Variants in ENPP3 observed in about 807,000 individuals in gnomAD.
ENPP3 encodes the protein ectonucleotide pyrophosphatase/phosphodiesterase 3, also known as ectonucleotide pyrophosphatase/phosphodiesterase family member 3.
A neutral mutation model predicts 117.8 loss-of-function variants in ENPP3; 104 were observed. The ratio of observed to expected loss-of-function variants is 0.88; its 90% CI spans 0.75 to 1.04. The LOEUF (loss-of-function observed/expected upper bound fraction) is 1.04, where lower values mean the gene tolerates loss of function less well. Among genes scored for constraint, ENPP3 ranks in the 50% least tolerant of loss-of-function variants. The pLI is 0.00. For synonymous variants in ENPP3, 380 were observed against 349.9 expected (o/e 1.09, Z -0.96); for missense variants, 1,026 against 1,051.9 (o/e 0.98, Z 0.34).
rs1227665821 is a variant in ENPP3 at position 131,701,278 on chromosome 6, C to T, written c.1412+7654C>T. On this transcript the variant is annotated intron_variant, in intron 15 of 24. Coordinates refer to ENST00000357639, the MANE Select transcript of ENPP3 (RefSeq NM_005021.5). The stretch of plus-strand genomic sequence containing the variant: ...AGTGAGATGAGCCCCAGTATGGTCC[C>T]GTTCCCCAGCAGGGTGAAGACGTAG... The T allele has an allele frequency of 8.6e-6, 13 of 1,510,112 alleles. No homozygotes were observed. The Admixed American group carries it at 1.4e-4, about 16-fold the overall frequency. 93.5% of individuals were successfully genotyped at this position (1,510,112 alleles called of 1,614,324 possible).
At position 131,685,933 on chromosome 6, in the gene ENPP3, T is replaced by C. The variant is rs776793776; in HGVS notation, c.1284+26T>C. On this transcript the variant is annotated intron_variant, in intron 14 of 24. Coordinates refer to ENST00000357639, the MANE Select transcript of ENPP3 (RefSeq NM_005021.5). ...GTAAGTATACAATACTCTTAATACA[T>C]ATATTTAAGTTAATGCAATGACCTT... 7.0e-5 allele frequency: 51 copies of C among 725,884 alleles called. 1 individual carries two copies. In the East Asian group the frequency reaches 1.4e-3, roughly 20 times the overall value. 45.0% of individuals were successfully genotyped at this position (725,884 alleles called of 1,614,324 possible). A position where few individuals can be genotyped will look rare whatever the true frequency, so the allele number is the denominator to read the frequency against.
At chr6:131,719,175 G>T (rs1003769330) in intron 16 of ENPP3, among the ~76,000 whole-genome samples, 6 of 152,006 alleles carry the variant, frequency 3.9e-5, no homozygotes, top group Admixed American at 3.9e-4. Context: ...AAGAGTAAGA[G>T]TCATTGAGTT....
chr6:131,710,069 T>C (rs759184864), intron 15 of ENPP3: 3 of 1,613,474 alleles, frequency 1.9e-6, no homozygotes, highest in South Asian at 2.2e-5. Context: ...TGAATCAGTT[T>C]CTTCAAAGCT....
chr6:131,701,751 G>A (rs1214270391), intron 15 of ENPP3, among the ~76,000 whole-genome samples: 2 of 150,544 alleles, frequency 1.3e-5, no homozygotes, highest in African/African-American at 2.5e-5. Context: ...GCGTGGCGGC[G>A]TGTACCTGTA....
chr6:131,648,515 G>T (rs950092018), intron 2 of ENPP3, among the ~76,000 whole-genome samples: 6 of 151,906 alleles, frequency 3.9e-5, no homozygotes, highest in Non-Finnish European at 7.4e-5. Flanking sequence ...ATTATATAAA[G>T]TCTCTACAAT....
At chr6:131,667,063 T>C (rs530348041) in intron 6 of ENPP3, among the ~76,000 whole-genome samples, 4 of 152,328 alleles carry the variant, frequency 2.6e-5, no homozygotes, top group Non-Finnish European at 4.4e-5. Flanking sequence ...TCATTAGATG[T>C]CTTGTCCAAT....
chr6:131,641,229 A>G (rs1324578357), intron 1 of ENPP3, among the ~76,000 whole-genome samples: 1 of 152,176 alleles, frequency 6.6e-6, no homozygotes. Context: ...AAGATCTGTA[A>G]TAAATGGTAT....
At chr6:131,740,504 A>G in intron 24 of ENPP3, 124 bp downstream of exon 24, 1 of 613,194 alleles carries the variant, frequency 1.6e-6, no homozygotes, top group Non-Finnish European at 2.6e-6. Context: ...TTATAACACA[A>G]ATGACTTCAT....
In ENPP3 at chr6:131,733,662, C is replaced by A. The variant is rs371560149; in HGVS notation, c.2028C>A (p.Ser676Arg). Residue 676 changes from serine to arginine, a missense_variant, in exon 21 of 25, where the codon AGC (serine) becomes AGA (arginine). Ser to Arg is a moderately radical substitution (Grantham distance 110). Coordinates refer to ENST00000357639, the MANE Select transcript of ENPP3 (RefSeq NM_005021.5). ...RADVRVPPSE[S>R]QKCSFYLADK... ...ATGTCAGGGTTCCTCCTTCTGAGAG[C>A]CAAAAATGTTCCTTCTATTTAGCAG... is the stretch of plus-strand genomic sequence containing the variant. 3 of 1,613,978 alleles carry A rather than the reference C, an allele frequency of 1.9e-6. No individual in the cohort carries two copies. The African/African-American group carries it at 4.0e-5, about 22-fold the overall frequency.
At chr6:131,687,974 C>T (rs1217128516) in intron 14 of ENPP3, among the ~76,000 whole-genome samples, 1 of 152,106 alleles carries the variant, frequency 6.6e-6, no homozygotes, top group African/African-American at 2.4e-5. Context: ...ATTTTTTTAC[C>T]AATTGAAGGT....
chr6:131,697,535 C>T (rs1270611990), intron 15 of ENPP3, among the ~76,000 whole-genome samples: 1 of 151,740 alleles, frequency 6.6e-6, no homozygotes, highest in African/African-American at 2.4e-5. Context: ...AATTATACAA[C>T]TCGTTATACT....
intron 11 of ENPP3, 115 bp downstream of exon 11, chr6:131,678,055 C>T (rs1778910161): frequency 8.5e-6 from 5 of 588,154 alleles, no homozygotes; most frequent in South Asian, 7.1e-5. Context: ...TTGATACATA[C>T]ACAAGAAGAT....
Position 131,657,383 on chromosome 6 carries a change from C to A in ENPP3, c.465-940C>A, listed in dbSNP as rs1235277577. Among the ~76,000 whole-genome samples, 4 of 152,174 alleles carry A rather than the reference C, an allele frequency of 2.6e-5. No homozygotes were observed. In the East Asian group the frequency reaches 7.7e-4, roughly 29 times the overall value. On this transcript the variant is annotated intron_variant, in intron 5 of 24. Transcript: ENST00000357639. ...CACTGTTCTGATTTCTATCATCATA[C>A]ATTCCTGTTTTAGAATTTTATGTAA...
At chr6:131,732,384 T>C (rs1444845252) in intron 20 of ENPP3, among the ~76,000 whole-genome samples, 1 of 152,162 alleles carries the variant, frequency 6.6e-6, no homozygotes, top group Admixed American at 6.5e-5. Flanking sequence ...AATAAATTAT[T>C]GTACTAGTCT....
At chr6:131,725,456 G>C (rs1780135101) in intron 19 of ENPP3, among the ~76,000 whole-genome samples, 1 of 151,998 alleles carries the variant, frequency 6.6e-6, no homozygotes, top group African/African-American at 2.4e-5. Context: ...TGTCCCTAGG[G>C]TGTCTTTGAT....
intron 11 of ENPP3, 136 bp from the exon 12 acceptor site, chr6:131,682,918 T>G: frequency 1.5e-6 from 1 of 656,702 alleles, no homozygotes; most frequent in South Asian, 1.7e-5. Flanking sequence ...TGGGTGCTAG[T>G]GCTGGGCTCT....
chr6:131,731,536 T>C (rs1780280408), intron 20 of ENPP3, among the ~76,000 whole-genome samples: 1 of 152,252 alleles, frequency 6.6e-6, no homozygotes, highest in Non-Finnish European at 1.5e-5. Context: ...GCACCTGCTC[T>C]TGGCTGTGCC....
At chr6:131,734,826 C>T (rs1033996643) in intron 21 of ENPP3, among the ~76,000 whole-genome samples, 7 of 150,470 alleles carry the variant, frequency 4.7e-5, no homozygotes, top group East Asian at 2.0e-4. Context: ...GGCTTGAACC[C>T]GGTAGGTGGA....
chr6:131,683,851 T>C (rs1254320896), intron 12 of ENPP3, among the ~76,000 whole-genome samples: 1 of 150,644 alleles, frequency 6.6e-6, no homozygotes, highest in Non-Finnish European at 1.5e-5. Flanking sequence ...CCCGAGTTCA[T>C]GCCATTCTCC....
Sources: allele counts gnomAD v4.1 joint callset (sites outside exome capture counted in the v4.1 genomes callset), GRCh38; gene constraint gnomAD v4.1.1; transcripts MANE v1.5; gene names NCBI Gene and HGNC (gene_info 2026-07-23, HGNC 2026-07-21).